The following RGS14 variants were observed in gnomAD, a reference collection of about 807,000 sequenced individuals.
RGS14 encodes regulator of G protein signaling 14.
Under a neutral mutation model 63.8 loss-of-function variants are expected in RGS14, and 33 were observed. The ratio of observed to expected loss-of-function variants is 0.52; its 90% CI spans 0.39 to 0.69. RGS14 has a LOEUF of 0.69. Among genes scored for constraint, RGS14 ranks in the 30% least tolerant of loss-of-function variants. The pLI is 0.00. For missense variants in RGS14, 739 were observed against 742.9 expected, an observed-to-expected ratio of 0.99 and a Z score of 0.06; for synonymous variants, 296 against 320.9, an observed-to-expected ratio of 0.92 and a Z score of 0.83.
intron 1 of RGS14, 81 bp from the exon 2 acceptor site, chr5:177,365,882 G>T: frequency 2.1e-6 from 3 of 1,442,192 alleles, no homozygotes; most frequent in Non-Finnish European, 9.8e-7. Context: ...CGCAGTTCCA[G>T]CTCCTGGGAG....
intron 1 of RGS14, among the ~76,000 whole-genome samples, chr5:177,362,738 G>T (rs1761995507): frequency 6.6e-6 from 1 of 152,018 alleles, no homozygotes; most frequent in African/African-American, 2.4e-5. Flanking sequence ...GGTTTTAGCC[G>T]TAACCTGGCA....
Position 177,366,206 on chromosome 5 carries a change from C to CAGGGCG in RGS14, c.103_108dup (p.Glu35_Gly36dup), listed in dbSNP as rs1561615063. 1 of 1,609,130 alleles carries CAGGGCG rather than the reference C, an allele frequency of 6.2e-7. No individual in the cohort carries two copies. Among genetic ancestry groups the CAGGGCG allele is most frequent in the Admixed American group, 1.7e-5 (1 of 59,754 alleles). ...GAGCAGCACGACGGGGCCCCAGGGC[C>CAGGGCG]AGGGCGAGGGCCGCGGCAGCTCTCT... On this transcript the variant is annotated inframe_insertion, in exon 3 of 15. Transcript: ENST00000408923.
Position 177,366,871 on chromosome 5 carries a change from T to A in RGS14, c.340-20T>A. ...TGGGCCACGCTCCCTGACCAACTCC[T>A]CCTGTCCCTCCTCCTTCAGCTAGCT... On this transcript the variant is annotated intron_variant, in intron 4 of 14. Transcript: ENST00000408923. The A allele has an allele frequency of 4.3e-6, 7 of 1,613,484 alleles. No homozygotes were observed. Among genetic ancestry groups the A allele is most frequent in the Non-Finnish European group, 5.9e-6 (7 of 1,179,540 alleles).
Position 177,371,124 on chromosome 5 carries a change from G to GGGCCGGGGCCGGGGCCGT in RGS14, c.1255-40_1255-39insGCCGGGGCCGGGGCCGTG. The GGGCCGGGGCCGGGGCCGT allele has an allele frequency of 1.3e-6, 2 of 1,537,202 alleles. No homozygotes were observed. The highest frequency in any genetic ancestry group is 1.8e-6 in the Non-Finnish European group (2 of 1,137,188). ...GGGGCCGGGGCCGGGGCCGGGGCCGGGCGGAGGCCTGTACCGCGGGCTGCT... is the reference window on the plus strand; with the variant it reads ...GGGGCCGGGGCCGGGGCCGGGGCCGGGGCCGGGGCCGGGGCCGTGCGGAGGCCTGTACCGCGGGCTGCT... On this transcript the variant is annotated intron_variant, in intron 11 of 14. Transcript: ENST00000408923. This position sits in a 1 kb window ranked among gnomAD's most constrained non-coding sequence, Gnocchi z 6.1.
chr5:177,358,698 G>A lies in RGS14; in HGVS notation c.45+629G>A, dbSNP rs1176598021. On this transcript the variant is annotated intron_variant, in intron 1 of 14. Transcript: ENST00000408923. The surrounding 1 kb of genome is among the most constrained non-coding windows in gnomAD (Gnocchi z 4.8). ...TGCCCCACCCCTTAACCCTCTCCCT[G>A]GCTGCTTAGCCCCAGATCAGAGCTG... Among the ~76,000 whole-genome samples, 8 of 152,220 alleles carry A rather than the reference G, an allele frequency of 5.3e-5. No homozygotes were observed. The highest frequency in any genetic ancestry group is 5.2e-4 in the Admixed American group (8 of 15,280).
rs562643238 is a variant in RGS14 at position 177,371,560 on chromosome 5, C to A, written c.1469C>A (p.Thr490Asn). 13 of 1,614,122 alleles carry A rather than the reference C, an allele frequency of 8.1e-6. 1 individual carries two copies. The South Asian group carries it at 1.3e-4, about 16-fold the overall frequency. ...SSLVKVPSSA[T>N]GKRQTCDIEG... ...CTGGTGAAGGTGCCCAGTAGTGCCACTGGAAAGCGGCAGACCTGTGACATC... is the reference window on the plus strand; with the variant it reads ...CTGGTGAAGGTGCCCAGTAGTGCCAATGGAAAGCGGCAGACCTGTGACATC... Residue 490 changes from threonine to asparagine, a missense_variant, in exon 14 of 15, where the codon ACT becomes AAT. Physicochemically the swap from Thr to Asn is moderately conservative, Grantham distance 65. Coordinates refer to ENST00000408923, the MANE Select transcript of RGS14 (RefSeq NM_006480.5). This position sits in a 1 kb window ranked among gnomAD's most constrained non-coding sequence, Gnocchi z 6.1.
chr5:177,366,692 C>A lies in RGS14; in HGVS notation c.247-16C>A. The A allele has an allele frequency of 6.2e-7, 1 of 1,613,308 alleles. No individual in the cohort carries two copies. Among genetic ancestry groups the A allele is most frequent in the Non-Finnish European group, 8.5e-7 (1 of 1,179,216 alleles). On this transcript the variant is annotated splice_polypyrimidine_tract_variant and intron_variant, in intron 3 of 14. Coordinates refer to ENST00000408923, the MANE Select transcript of RGS14 (RefSeq NM_006480.5). ...TCTCTGAGTCTCTGCCTGCCTCCCCCTCCTTCCCCTCCCAGGAGTTCCTGA... is the reference window on the plus strand; with the variant it reads ...TCTCTGAGTCTCTGCCTGCCTCCCCATCCTTCCCCTCCCAGGAGTTCCTGA...
chr5:177,367,664 C>G (rs764191921), intron 6 of RGS14, 50 bp from the exon 7 acceptor site: 1 of 1,594,926 alleles, frequency 6.3e-7, no homozygotes, highest in South Asian at 1.1e-5. Context: ...CCACGGTCTG[C>G]ATGCGGGCTG....
intron 9 of RGS14, among the ~76,000 whole-genome samples, chr5:177,369,865 C>T (rs1259963350): frequency 6.6e-6 from 1 of 152,226 alleles, no homozygotes; most frequent in Non-Finnish European, 1.5e-5. Context: ...ATAACTTCCT[C>T]ACCCACACTC....
At chr5:177,366,156 A>G (rs1351570250) in intron 2 of RGS14, 21 bp from the exon 3 acceptor site, 6 of 1,600,830 alleles carry the variant, frequency 3.7e-6, no homozygotes, top group Non-Finnish European at 5.1e-6. Context: ...GGCTCACCCC[A>G]ACTTGTCCAT....
chr5:177,358,333 A>C lies in RGS14; in HGVS notation c.45+264A>C, dbSNP rs1761872267. Among the ~76,000 whole-genome samples, 1 of 152,040 alleles carries C rather than the reference A, an allele frequency of 6.6e-6. No individual in the cohort carries two copies. Among genetic ancestry groups the C allele is most frequent in the African/African-American group, 2.4e-5 (1 of 41,418 alleles). On this transcript the variant is annotated intron_variant, in intron 1 of 14. Transcript: ENST00000408923. The surrounding 1 kb of genome is among the most constrained non-coding windows in gnomAD (Gnocchi z 4.8). ...CTGGTCCAGCCCCCACCACTCCCTC[A>C]CCTGCTGCATCTGGGGCTGCATCCC...
intron 5 of RGS14, 164 bp downstream of exon 5, chr5:177,367,198 CAG>C (rs1762120500): frequency 8.9e-7 from 1 of 1,122,964 alleles, no homozygotes. Context: ...AGGGCGGTAT[CAG>C]AGGCACGGGG....
intron 1 of RGS14, 105 bp from the exon 2 acceptor site, chr5:177,365,858 C>A: frequency 8.6e-7 from 1 of 1,166,618 alleles, no homozygotes; most frequent in Non-Finnish European, 1.3e-6. Context: ...CGGGGATGCC[C>A]AGGTGGAGGA....
At position 177,371,085 on chromosome 5, in the gene RGS14, CCGGGGCCGGGGCCGGG is replaced by C. The variant is rs1762248678; in HGVS notation, c.1254+55_1255-64del. The C allele has an allele frequency of 4.0e-4, 161 of 401,836 alleles. 3 individuals are homozygous for C. The African/African-American group carries it at 7.5e-3, about 19-fold the overall frequency. 24.9% of individuals were successfully genotyped at this position (401,836 alleles called of 1,614,324 possible). A position where few individuals can be genotyped will look rare whatever the true frequency, so the allele number is the denominator to read the frequency against. ...GGGCGGGGCCGGGCCGGGGCCGGGG[CCGGGGCCGGGGCCGGG>C]GCCGGGGCCGGGGCCGGGGCCGGGC... On this transcript the variant is annotated intron_variant, in intron 11 of 14. Transcript: ENST00000408923. The surrounding 1 kb of genome is among the most constrained non-coding windows in gnomAD (Gnocchi z 6.1).
intron 8 of RGS14, 107 bp downstream of exon 8, chr5:177,368,373 C>G (rs995812006): frequency 3.0e-5 from 36 of 1,216,972 alleles, no homozygotes; most frequent in Non-Finnish European, 4.5e-6. Flanking sequence ...ACTGCGTCTC[C>G]CAGCTTGCTC....
Position 177,359,398 on chromosome 5 carries a change from G to A in RGS14, c.45+1329G>A, listed in dbSNP as rs776073848. Among the ~76,000 whole-genome samples the A allele has an allele frequency of 2.4e-4, 37 of 152,266 alleles. No homozygotes were observed. Among genetic ancestry groups the A allele is most frequent in the Admixed American group, 2.4e-3 (37 of 15,302 alleles). On this transcript the variant is annotated intron_variant, in intron 1 of 14. Coordinates refer to ENST00000408923, the MANE Select transcript of RGS14 (RefSeq NM_006480.5). This position sits in a 1 kb window ranked among gnomAD's most constrained non-coding sequence, Gnocchi z 4.4. ...ACACTTCGCTCGTCCTTGCCTAGGCGACCGGGCCAGGAAGCCAAGGAGGCT... is the reference window on the plus strand; with the variant it reads ...ACACTTCGCTCGTCCTTGCCTAGGCAACCGGGCCAGGAAGCCAAGGAGGCT...
Position 177,371,675 on chromosome 5 carries a change from A to G in RGS14, c.1498+86A>G. The G allele has an allele frequency of 7.1e-7, 1 of 1,405,234 alleles. No individual in the cohort carries two copies. The highest frequency in any genetic ancestry group is 1.0e-6 in the Non-Finnish European group (1 of 999,722). 87.0% of individuals were successfully genotyped at this position (1,405,234 alleles called of 1,614,324 possible). A position where few individuals can be genotyped will look rare whatever the true frequency, so the allele number is the denominator to read the frequency against. On this transcript the variant is annotated intron_variant, in intron 14 of 14. Coordinates refer to ENST00000408923, the MANE Select transcript of RGS14 (RefSeq NM_006480.5). The surrounding 1 kb of genome is among the most constrained non-coding windows in gnomAD (Gnocchi z 6.1). The stretch of plus-strand genomic sequence containing the variant: ...GGGTGGCATCAGAGAGCCTTGAGCT[A>G]AGGCAGGGGGCTGGGTGCCACTGGG...
At chr5:177,367,385 G>A (rs1257768594) in intron 5 of RGS14, 29 bp from the exon 6 acceptor site, 1 of 1,570,700 alleles carries the variant, frequency 6.4e-7, no homozygotes, top group Non-Finnish European at 8.7e-7. Flanking sequence ...CCCCAGCCCC[G>A]GCTCACCTGT....
Position 177,360,479 on chromosome 5 carries a change from G to A in RGS14, c.45+2410G>A, listed in dbSNP as rs184954473. Among the ~76,000 whole-genome samples the A allele has an allele frequency of 2.0e-4, 30 of 148,590 alleles. No individual in the cohort carries two copies. In the East Asian group the frequency reaches 4.5e-3, roughly 22 times the overall value. ...ACTGGGAAACTGAGGTGGGAGGATC[G>A]TTTGACCCCAGGAGGTAAAGGCTGC... On this transcript the variant is annotated intron_variant, in intron 1 of 14. Coordinates refer to ENST00000408923, the MANE Select transcript of RGS14 (RefSeq NM_006480.5).
Sources: gnomAD v4.1 joint callset for allele counts (sites outside exome capture counted in the v4.1 genomes callset) on GRCh38, gnomAD v4.1.1 for gene constraint, Gnocchi (gnomAD v3.1) non-coding constraint, MANE v1.5 for transcripts, NCBI Gene and HGNC (gene_info 2026-07-23, HGNC 2026-07-21) for gene names.